Variants in METTL15 observed in about 807,000 individuals in gnomAD.
The protein encoded by METTL15 is methyltransferase 15, mitochondrial 12S rRNA N4-cytidine.
In METTL15, 34 loss-of-function variants were observed where a neutral mutation model predicts 38.3. The ratio of observed to expected loss-of-function variants is 0.89; its 90% CI spans 0.68 to 1.18. The LOEUF (loss-of-function observed/expected upper bound fraction) is 1.18, where lower values mean the gene tolerates loss of function less well. METTL15 is among the 50% of genes most tolerant of loss of function. The probability of loss-of-function intolerance (pLI) is 0.00; values close to 1 mark genes in which losing one functional copy is unlikely to be tolerated. For missense variants in METTL15, 438 were observed against 498.4 expected, an observed-to-expected ratio of 0.88 and a Z score of 1.15; for synonymous variants, 162 against 170.9, an observed-to-expected ratio of 0.95 and a Z score of 0.41.
intron 3 of METTL15, among the ~76,000 whole-genome samples, chr11:28,200,204 A>G (rs1342048812): frequency 6.6e-6 from 1 of 152,166 alleles, no homozygotes; most frequent in Non-Finnish European, 1.5e-5. Context: ...GGCAGGAGAC[A>G]GAATTGTTTT....
chr11:28,391,864 A>C (rs1318313349), intron 5 of METTL15, among the ~76,000 whole-genome samples: 1 of 152,192 alleles, frequency 6.6e-6, no homozygotes, highest in Non-Finnish European at 1.5e-5. Flanking sequence ...TAAAAACCCT[A>C]GAAGAAAACC....
At chr11:28,324,584 G>A (rs1212270496) in intron 6 of METTL15, among the ~76,000 whole-genome samples, 1 of 152,186 alleles carries the variant, frequency 6.6e-6, no homozygotes, top group Admixed American at 6.5e-5. Flanking sequence ...GAGTTCACTT[G>A]CTCCAACAAA....
intron 5 of METTL15, among the ~76,000 whole-genome samples, chr11:28,368,779 TAAAG>T (rs1049705451): frequency 6.6e-6 from 1 of 152,014 alleles, no homozygotes; most frequent in African/African-American, 2.4e-5. Flanking sequence ...ATAGACTGGA[TAAAG>T]AAAATGTGGC....
rs1590335817 is a variant in METTL15, at chr11:28,332,859, C to T, written c.*2018C>T. ...ACCCAGGAGTCTGAGGCACAAGAAT[C>T]ACTCGAACCTGGGAGGTGGAGGTTG... On this transcript the variant is annotated 3_prime_UTR_variant, in exon 7 of 7. Transcript: ENST00000407364. 1 of 150,520 alleles carries T rather than the reference C, an allele frequency of 6.6e-6. No individual in the cohort carries two copies. 9.3% of individuals were successfully genotyped at this position (150,520 alleles called of 1,614,324 possible).
intron 5 of METTL15, among the ~76,000 whole-genome samples, chr11:28,292,801 G>C (rs1292190436): frequency 6.6e-6 from 1 of 152,156 alleles, no homozygotes; most frequent in Non-Finnish European, 1.5e-5. Flanking sequence ...GCATTTCTCT[G>C]ATGGCTAGTG....
chr11:28,319,868 C>G (rs1377469791), intron 6 of METTL15, among the ~76,000 whole-genome samples: 1 of 152,132 alleles, frequency 6.6e-6, no homozygotes, highest in Non-Finnish European at 1.5e-5. Flanking sequence ...ATTTCCCAGA[C>G]TTACTTGACA....
chr11:28,224,013 T>C (rs1018234976), intron 4 of METTL15, among the ~76,000 whole-genome samples: 6 of 152,108 alleles, frequency 3.9e-5, no homozygotes, highest in Non-Finnish European at 7.4e-5. Context: ...ATCATTTTAC[T>C]ATAATTTTGT....
intron 4 of METTL15, among the ~76,000 whole-genome samples, chr11:28,276,054 A>G (rs965962793): frequency 7.2e-5 from 11 of 152,162 alleles, no homozygotes; most frequent in African/African-American, 2.6e-4. Context: ...AGATGCTCAC[A>G]TTCACCACTG....
chr11:28,173,804 G>A (rs1220759256), intron 3 of METTL15, among the ~76,000 whole-genome samples: 1 of 152,042 alleles, frequency 6.6e-6, no homozygotes, highest in African/African-American at 2.4e-5. Context: ...AGACCTTCGT[G>A]GTTTTGAGAT....
intron 4 of METTL15, among the ~76,000 whole-genome samples, chr11:28,260,762 A>G (rs2133939400): frequency 6.6e-6 from 1 of 152,328 alleles, no homozygotes; most frequent in South Asian, 2.1e-4. Context: ...ATGAGAACAC[A>G]TATTATGCAA....
intron 3 of METTL15, among the ~76,000 whole-genome samples, chr11:28,208,139 T>C (rs1302347531): frequency 2.0e-5 from 3 of 152,192 alleles, no homozygotes; most frequent in Non-Finnish European, 4.4e-5. Context: ...AATTATTTCT[T>C]GCCTTCTGCT....
rs149081805 is a variant in METTL15 at position 28,488,162 on chromosome 11, C to A, written c.*425-38316C>A. ...TTTTGAAATGAATTATATTTCCCTGCTGGAACAAGTCTGAAAATATTTTGC... is the reference window on the plus strand; with the variant it reads ...TTTTGAAATGAATTATATTTCCCTGATGGAACAAGTCTGAAAATATTTTGC... On this transcript the variant is annotated intron_variant and NMD_transcript_variant, in intron 6 of 7. Coordinates refer to the METTL15 transcript ENST00000532947. 7.8e-3 allele frequency among the ~76,000 whole-genome samples: 1,180 copies of A among 152,182 alleles called. 71 individuals carry two copies. Among genetic ancestry groups the A allele is most frequent in the Admixed American group, 0.067 (1,022 of 15,260 alleles).
At chr11:28,141,824 A>G (rs542422816) in intron 3 of METTL15, among the ~76,000 whole-genome samples, 1 of 152,368 alleles carries the variant, frequency 6.6e-6, no homozygotes, top group South Asian at 2.1e-4. Context: ...GGTCCTTACC[A>G]TAATTCTAAC....
At chr11:28,206,391 C>T (rs1031250510) in intron 3 of METTL15, among the ~76,000 whole-genome samples, 3 of 152,080 alleles carry the variant, frequency 2.0e-5, no homozygotes, top group Admixed American at 2.0e-4. Context: ...TTGTTTTTGT[C>T]AGGTTTGTCA....
chr11:28,248,683 C>T (rs1318888474), intron 4 of METTL15, among the ~76,000 whole-genome samples: 2 of 151,778 alleles, frequency 1.3e-5, no homozygotes, highest in South Asian at 2.1e-4. Context: ...TAGAGAAAGT[C>T]CCTATTTACT....
rs147894693 is a variant in METTL15, at chr11:28,386,326, C to T, written c.*358+24290C>T. ...AATGGATAAAAACAAAAACAAAATC[C>T]GACTATAAGCTGTCTACAAGAGATT... On this transcript the variant is annotated intron_variant and NMD_transcript_variant, in intron 5 of 7. Transcript: ENST00000532947. Among the ~76,000 whole-genome samples the T allele has an allele frequency of 9.2e-5, 14 of 151,550 alleles. No homozygotes were observed. In the East Asian group the frequency reaches 2.3e-3, roughly 25 times the overall value.
intron 6 of METTL15, among the ~76,000 whole-genome samples, chr11:28,329,787 T>G (rs1428616147): frequency 6.6e-6 from 1 of 152,156 alleles, no homozygotes; most frequent in Non-Finnish European, 1.5e-5. Flanking sequence ...CACTTTTTAT[T>G]TATTTTAAAA....
intron 5 of METTL15, among the ~76,000 whole-genome samples, chr11:28,405,571 G>A (rs1332467814): frequency 6.6e-6 from 1 of 151,992 alleles, no homozygotes; most frequent in Non-Finnish European, 1.5e-5. Context: ...TCTCCTTTTG[G>A]TGTGTTCAAA....
chr11:28,174,917 T>C (rs1029959280), intron 3 of METTL15, among the ~76,000 whole-genome samples: 4 of 149,520 alleles, frequency 2.7e-5, no homozygotes, highest in African/African-American at 2.5e-5. Context: ...TTGGAATTCT[T>C]TTTTTTTAAA....
Sources: gnomAD v4.1 joint callset for allele counts (sites outside exome capture counted in the v4.1 genomes callset) on GRCh38, gnomAD v4.1.1 for gene constraint, MANE v1.5 for transcripts, NCBI Gene and HGNC (gene_info 2026-07-23, HGNC 2026-07-21) for gene names.